ITPR1: variants seen among roughly 807,000 people sequenced by gnomAD.
ITPR1 encodes the protein inositol 1,4,5-trisphosphate receptor type 1.
In ITPR1, 96 loss-of-function variants were observed where a neutral mutation model predicts 318.4. The ratio of observed to expected loss-of-function variants is 0.30; its 90% CI spans 0.26 to 0.36. The LOEUF (loss-of-function observed/expected upper bound fraction) is 0.36. Among genes scored for constraint, ITPR1 ranks in the 10% least tolerant of loss-of-function variants. The pLI, the probability that ITPR1 is intolerant of heterozygous loss-of-function variation, is 1.00. For synonymous variants in ITPR1, 1,312 were observed against 1,289.9 expected (o/e 1.02, Z -0.37); for missense variants, 2,440 against 3,460.2 (o/e 0.71, Z 7.40).
intron 44 of ITPR1, among the ~76,000 whole-genome samples, chr3:4,754,194 G>C (rs2044776905): frequency 1.3e-5 from 2 of 151,994 alleles, no homozygotes; most frequent in South Asian, 4.2e-4. Context: ...TAAGACCTGG[G>C]GAGTTGTTTC....
intron 4 of ITPR1, among the ~76,000 whole-genome samples, chr3:4,597,193 T>A (rs1440419471): frequency 1.3e-5 from 2 of 152,216 alleles, no homozygotes; most frequent in Non-Finnish European, 2.9e-5. Flanking sequence ...AATGTGAAAT[T>A]GCCCTCTTTT....
At chr3:4,744,324 T>G (rs1264348591) in intron 44 of ITPR1, among the ~76,000 whole-genome samples, 1 of 152,254 alleles carries the variant, frequency 6.6e-6, no homozygotes, top group Admixed American at 6.5e-5. Flanking sequence ...TTTCTCTTCC[T>G]TCTGGTCTAG....
intron 30 of ITPR1, among the ~76,000 whole-genome samples, chr3:4,685,708 G>C (rs191839159): frequency 5.3e-5 from 8 of 152,214 alleles, no homozygotes; most frequent in Non-Finnish European, 2.9e-5. Context: ...GCTGGAAGTT[G>C]TACTTTGCCT....
intron 19 of ITPR1, among the ~76,000 whole-genome samples, 154 bp downstream of exon 19, chr3:4,669,927 G>T (rs1333253354): frequency 6.6e-6 from 1 of 152,180 alleles, no homozygotes; most frequent in African/African-American, 2.4e-5. Flanking sequence ...TTGATTAGGA[G>T]AATTCCCGAA....
intron 55 of ITPR1, among the ~76,000 whole-genome samples, chr3:4,808,194 A>C (rs2048714295): frequency 6.6e-6 from 1 of 151,830 alleles, no homozygotes; most frequent in African/African-American, 2.4e-5. Context: ...GTCACCCTGC[A>C]CTCTTCTCTA....
intron 2 of ITPR1, among the ~76,000 whole-genome samples, chr3:4,511,649 C>G (rs2081835235): frequency 6.6e-6 from 1 of 152,190 alleles, no homozygotes; most frequent in African/African-American, 2.4e-5. Context: ...CTTATTCTCC[C>G]CATTTTACAG....
intron 49 of ITPR1, chr3:4,782,388 G>C (rs940880511): frequency 8.3e-6 from 3 of 362,292 alleles, no homozygotes; most frequent in Non-Finnish European, 1.5e-5. Context: ...CATGTCTCTT[G>C]GTCTAAGTAG....
At chr3:4,510,587 A>G (rs2081737692) in intron 2 of ITPR1, among the ~76,000 whole-genome samples, 1 of 152,222 alleles carries the variant, frequency 6.6e-6, no homozygotes, top group Non-Finnish European at 1.5e-5. Flanking sequence ...TATTTACTGA[A>G]TACCTACTAT....
chr3:4,773,020 C>G (rs1364016269), intron 46 of ITPR1, among the ~76,000 whole-genome samples: 1 of 152,246 alleles, frequency 6.6e-6, no homozygotes, highest in Non-Finnish European at 1.5e-5. Context: ...TACAATGCAG[C>G]TGGTAGGTGC....
chr3:4,783,372 G>A (rs546346863), intron 50 of ITPR1, among the ~76,000 whole-genome samples: 1 of 152,052 alleles, frequency 6.6e-6, no homozygotes. Flanking sequence ...ACTCAGGTAC[G>A]GGAACCAGAT....
chr3:4,554,693 A>T (rs1375101443), intron 4 of ITPR1, among the ~76,000 whole-genome samples: 1 of 123,346 alleles, frequency 8.1e-6, no homozygotes, highest in Non-Finnish European at 1.9e-5. Flanking sequence ...GTAACCTAGA[A>T]TCATGATGGG....
chr3:4,658,080 C>G, intron 12 of ITPR1, 44 bp from the exon 13 acceptor site: 1 of 1,548,436 alleles, frequency 6.5e-7, no homozygotes, highest in Non-Finnish European at 8.8e-7. Flanking sequence ...AAAGTGAAGG[C>G]TTTGGCATGC....
intron 4 of ITPR1, among the ~76,000 whole-genome samples, chr3:4,575,212 G>A (rs1468412362): frequency 1.3e-5 from 2 of 152,320 alleles, no homozygotes; most frequent in African/African-American, 2.4e-5. Flanking sequence ...CCAAGATTAA[G>A]CAAAGCGTAT....
Position 4,688,598 on chromosome 3 carries a change from T to A in ITPR1, c.3806T>A (p.Ile1269Lys). 6.2e-7 allele frequency: 1 copy of A among 1,613,908 alleles called. No individual in the cohort carries two copies. The highest frequency in any genetic ancestry group is 8.5e-7 in the Non-Finnish European group (1 of 1,179,820). The change falls in exon 31 of 62, where the codon ATA becomes AAA. Residue 1269 changes from isoleucine to lysine, a missense_variant. By Grantham distance (102) the Ile-to-Lys change is moderately radical (BLOSUM62 -3). This residue lies in a region of ITPR1 where 222 missense variants were observed against 318.8 expected (regional missense o/e 0.70). Coordinates refer to ENST00000649015, the MANE Select transcript of ITPR1 (RefSeq NM_001378452.1). Reference protein sequence around the residue: ...QQNQALLHKHINLFLNPGILE... With the variant: ...QQNQALLHKHKNLFLNPGILE... ...AATCAAGCTTTGCTACATAAACACA[T>A]AAACCTGTTTCTCAACCCAGGGGTA... is the stretch of plus-strand genomic sequence containing the variant.
intron 44 of ITPR1, among the ~76,000 whole-genome samples, chr3:4,764,621 G>A (rs538384231): frequency 1.3e-5 from 2 of 152,338 alleles, no homozygotes; most frequent in African/African-American, 2.4e-5. Context: ...GCTGCTGTAG[G>A]GGCAGCCTCA....
chr3:4,730,912 G>A (rs1202373698), intron 42 of ITPR1, among the ~76,000 whole-genome samples: 2 of 152,050 alleles, frequency 1.3e-5, no homozygotes, highest in East Asian at 1.9e-4. Context: ...TGCGGCTTAC[G>A]GGTCTCAGCC....
At chr3:4,610,330 A>G (rs1388207215) in intron 4 of ITPR1, among the ~76,000 whole-genome samples, 2 of 152,150 alleles carry the variant, frequency 1.3e-5, no homozygotes, top group African/African-American at 2.4e-5. Flanking sequence ...TTGACTTTGT[A>G]TCTGCAGCAC....
intron 4 of ITPR1, among the ~76,000 whole-genome samples, chr3:4,522,390 C>G (rs938818057): frequency 2.0e-5 from 3 of 152,078 alleles, no homozygotes; most frequent in Admixed American, 6.5e-5. Flanking sequence ...TGGATAAAAG[C>G]TAAATAAATT....
At chr3:4,670,281 T>G (rs543025240) in intron 19 of ITPR1, among the ~76,000 whole-genome samples, 1 of 152,364 alleles carries the variant, frequency 6.6e-6, no homozygotes. Context: ...CATACTAAAT[T>G]ACGTCCTGAG....
Sources: allele counts gnomAD v4.1 joint callset (sites outside exome capture counted in the v4.1 genomes callset), GRCh38; gene constraint gnomAD v4.1.1; regional missense constraint gnomAD v4.1.1; transcripts MANE v1.5; gene names NCBI Gene and HGNC (gene_info 2026-07-23, HGNC 2026-07-21).